The following GABRG3 variants were observed in gnomAD, a reference collection of about 807,000 sequenced individuals.
GABRG3 encodes the protein gamma-aminobutyric acid type A receptor subunit gamma3.
In GABRG3, 25 loss-of-function variants were observed where a neutral mutation model predicts 48.8. The observed-to-expected ratio is 0.51, with a 90% confidence interval of 0.37 to 0.72. The LOEUF (loss-of-function observed/expected upper bound fraction) is 0.72. Among genes scored for constraint, GABRG3 ranks in the 30% least tolerant of loss-of-function variants. The probability of loss-of-function intolerance (pLI) is 0.00; values close to 1 mark genes in which losing one functional copy is unlikely to be tolerated. For missense variants in GABRG3, 394 were observed against 577.9 expected (o/e 0.68, Z 3.26); for synonymous variants, 227 against 217.6 (o/e 1.04, Z -0.38).
intron 6 of GABRG3, among the ~76,000 whole-genome samples, chr15:27,513,381 C>T (rs61403975): frequency 0.14 from 20,638 of 151,118 alleles, 3,640 homozygotes; most frequent in African/African-American, 0.41. Context: ...ACCTGGGAGG[C>T]GGAGCTTGCA....
At chr15:27,338,080 C>T (rs1392173272) in intron 5 of GABRG3, among the ~76,000 whole-genome samples, 1 of 152,228 alleles carries the variant, frequency 6.6e-6, no homozygotes, top group African/African-American at 2.4e-5. Flanking sequence ...TACTGTTCGG[C>T]TCCTCCTTGG....
At position 26,977,237 on chromosome 15, in the gene GABRG3, G is replaced by A. The variant is rs1045184880; in HGVS notation, c.202+87G>A. ...TTTTGAGTAATTGTGAATTCCAAGA[G>A]TATTGCAAAGATAGTGCAGAAAGGT... On this transcript the variant is annotated intron_variant, in intron 2 of 9. Transcript: ENST00000615808. 72 of 1,368,024 alleles carry A rather than the reference G, an allele frequency of 5.3e-5. No individual in the cohort carries two copies. In the Admixed American group the frequency reaches 1.2e-3, roughly 22 times the overall value. The allele number at this position is 1,368,024 out of a possible 1,614,324, so 84.7% of individuals were successfully genotyped here.
At chr15:27,261,243 A>G (rs1169878744) in intron 3 of GABRG3, among the ~76,000 whole-genome samples, 1 of 152,168 alleles carries the variant, frequency 6.6e-6, no homozygotes, top group African/African-American at 2.4e-5. Flanking sequence ...TTAAAGTTAC[A>G]AAGGTAACCA....
intron 3 of GABRG3, among the ~76,000 whole-genome samples, chr15:27,263,941 A>G (rs1890842358): frequency 1.2e-5 from 1 of 86,808 alleles, no homozygotes; most frequent in Non-Finnish European, 2.9e-5. Flanking sequence ...AAAAAAAAGA[A>G]AAAGAAAAAA....
At chr15:27,265,972 C>T (rs1326435632) in intron 3 of GABRG3, among the ~76,000 whole-genome samples, 1 of 150,918 alleles carries the variant, frequency 6.6e-6, no homozygotes, top group Non-Finnish European at 1.5e-5. Flanking sequence ...CATCCACCTC[C>T]CAGGTTCAAG....
chr15:27,284,783 A>C (rs1891553891), intron 3 of GABRG3, among the ~76,000 whole-genome samples: 1 of 152,244 alleles, frequency 6.6e-6, no homozygotes, highest in Non-Finnish European at 1.5e-5. Flanking sequence ...ACTTTGCTCC[A>C]GGCCATAATG....
intron 2 of GABRG3, among the ~76,000 whole-genome samples, chr15:27,009,420 C>G (rs1895646495): frequency 6.6e-6 from 1 of 152,118 alleles, no homozygotes; most frequent in Non-Finnish European, 1.5e-5. Context: ...CGTTAGGATC[C>G]AATATATACA....
At chr15:27,493,356 A>G (rs758743912) in intron 6 of GABRG3, among the ~76,000 whole-genome samples, 31 of 152,320 alleles carry the variant, frequency 2.0e-4, no homozygotes, top group Non-Finnish European at 4.3e-4. Context: ...TAAAGATCAC[A>G]GCTAATATCA....
intron 3 of GABRG3, among the ~76,000 whole-genome samples, chr15:27,123,828 G>T (rs1364402078): frequency 6.6e-6 from 1 of 152,150 alleles, no homozygotes; most frequent in African/African-American, 2.4e-5. Flanking sequence ...GAACCAGGGA[G>T]GCAAGCAAAA....
intron 2 of GABRG3, among the ~76,000 whole-genome samples, chr15:27,026,080 T>G (rs889955673): frequency 3.3e-5 from 5 of 152,240 alleles, no homozygotes; most frequent in African/African-American, 1.2e-4. Context: ...GTTAGAGAGA[T>G]CAACCTGTGA....
At chr15:26,972,909 CT>C (rs1003516405) in intron 1 of GABRG3, among the ~76,000 whole-genome samples, 3 of 152,182 alleles carry the variant, frequency 2.0e-5, no homozygotes, top group African/African-American at 7.2e-5. Context: ...AGACAGAGCA[CT>C]CCTTGGGCCT....
intron 3 of GABRG3, among the ~76,000 whole-genome samples, chr15:27,030,673 A>G (rs1000092597): frequency 2.3e-5 from 3 of 132,616 alleles, no homozygotes; most frequent in Non-Finnish European, 4.8e-5. Context: ...TTAGGAAAGC[A>G]AAGAAGAAAA....
At chr15:27,118,024 G>T (rs1897672083) in intron 3 of GABRG3, among the ~76,000 whole-genome samples, 1 of 152,150 alleles carries the variant, frequency 6.6e-6, no homozygotes, top group African/African-American at 2.4e-5. Flanking sequence ...TGATACAATG[G>T]CACATTGTCC....
At chr15:27,444,746 G>A (rs749898548) in intron 5 of GABRG3, among the ~76,000 whole-genome samples, 14 of 151,882 alleles carry the variant, frequency 9.2e-5, no homozygotes, top group South Asian at 2.1e-4. Flanking sequence ...ATTATATTTC[G>A]TCAGTTTACT....
At chr15:27,241,565 A>G (rs1000997503) in intron 3 of GABRG3, among the ~76,000 whole-genome samples, 5 of 152,232 alleles carry the variant, frequency 3.3e-5, no homozygotes, top group Admixed American at 6.5e-5. Context: ...CAAACCAGGC[A>G]TTCAGTGACA....
At chr15:27,157,982 C>T (rs1388247619) in intron 3 of GABRG3, 1 of 152,230 alleles carries the variant, frequency 6.6e-6, no homozygotes, top group Non-Finnish European at 1.5e-5. Context: ...TCTTAGTCAG[C>T]TCACAAGTAC....
rs182922131 is a variant in GABRG3 at position 27,268,969 on chromosome 15, C to T, written c.271-57840C>T. Reference sequence around the variant, plus strand: ...CTCAGGGATTACTGAACCTCGTACACTGTTGCCCAGGGTCTGTCTTGCAAA... The same window carrying T: ...CTCAGGGATTACTGAACCTCGTACATTGTTGCCCAGGGTCTGTCTTGCAAA... On this transcript the variant is annotated intron_variant, in intron 3 of 9. Transcript: ENST00000615808. Among the ~76,000 whole-genome samples the T allele has an allele frequency of 2.0e-4, 30 of 152,300 alleles. No individual in the cohort carries two copies. The East Asian group carries it at 5.4e-3, about 27-fold the overall frequency.
chr15:27,006,463 A>C (rs540356570), intron 2 of GABRG3, among the ~76,000 whole-genome samples: 1 of 152,262 alleles, frequency 6.6e-6, no homozygotes, highest in African/African-American at 2.4e-5. Flanking sequence ...GGCCTCCCAA[A>C]GTGCTGGGAT....
chr15:27,205,069 C>A (rs993934430), intron 3 of GABRG3, among the ~76,000 whole-genome samples: 1 of 151,958 alleles, frequency 6.6e-6, no homozygotes, highest in Non-Finnish European at 1.5e-5. Context: ...CCTTATTGCT[C>A]TATCTAGGAC....
Sources: allele counts gnomAD v4.1 joint callset (sites outside exome capture counted in the v4.1 genomes callset), GRCh38; gene constraint gnomAD v4.1.1; transcripts MANE v1.5; gene names NCBI Gene and HGNC (gene_info 2026-07-23, HGNC 2026-07-21).